UGT1A9: variants seen among roughly 807,000 people sequenced by gnomAD.
UGT1A9 encodes the protein UDP glucuronosyltransferase family 1 member A9.
UGT1A9 carries 35 observed loss-of-function variants against 45.0 expected under a neutral mutation model. The observed-to-expected ratio is 0.78, with a 90% CI of 0.59 to 1.03. UGT1A9 has a LOEUF of 1.03. Ranked by LOEUF, UGT1A9 falls within the 50% of genes least tolerant of loss-of-function variation. UGT1A9 has a pLI of 0.00. For synonymous variants in UGT1A9, 278 were observed against 250.6 expected, an observed-to-expected ratio of 1.11 and a Z score of -1.03; for missense variants, 687 against 666.6, an observed-to-expected ratio of 1.03 and a Z score of -0.34.
chr2:233,740,862 C>G (rs1413429391), intron 1 of UGT1A9: 1 of 151,810 alleles, frequency 6.6e-6, no homozygotes, highest in African/African-American at 2.4e-5. Flanking sequence ...TCTAAAAATT[C>G]TTTAAATAAA....
intron 1 of UGT1A9, chr2:233,747,285 C>T: frequency 6.2e-7 from 1 of 1,601,074 alleles, no homozygotes. Flanking sequence ...GTGCCCAGCC[C>T]TGGGCTGAGA....
At chr2:233,751,923 T>G (rs1390474537) in intron 1 of UGT1A9, among the ~76,000 whole-genome samples, 1 of 152,048 alleles carries the variant, frequency 6.6e-6, no homozygotes, top group Non-Finnish European at 1.5e-5. Context: ...ACAAGATTGG[T>G]GGTGATTGAA....
At chr2:233,726,615 C>T (rs1260171777) in intron 1 of UGT1A9, among the ~76,000 whole-genome samples, 2 of 152,156 alleles carry the variant, frequency 1.3e-5, no homozygotes, top group Non-Finnish European at 2.9e-5. Flanking sequence ...CTGTCCTGCC[C>T]AGATACCCAG....
At chr2:233,704,936 G>C (rs2075813786) in intron 1 of UGT1A9, among the ~76,000 whole-genome samples, 1 of 152,114 alleles carries the variant, frequency 6.6e-6, no homozygotes, top group South Asian at 2.1e-4. Context: ...CCTAGATCAA[G>C]ACCAGCCTGG....
At chr2:233,706,013 T>G (rs1292411619) in intron 1 of UGT1A9, among the ~76,000 whole-genome samples, 2 of 152,156 alleles carry the variant, frequency 1.3e-5, no homozygotes, top group Non-Finnish European at 2.9e-5. Context: ...CACTTGCACT[T>G]GGACCTGGGA....
At chr2:233,698,551 A>C (rs2075447544) in intron 1 of UGT1A9, among the ~76,000 whole-genome samples, 2 of 152,272 alleles carry the variant, frequency 1.3e-5, no homozygotes, top group Admixed American at 6.5e-5. Flanking sequence ...AGTGGCCAAC[A>C]AAACTTTAAG....
chr2:233,768,228 A>G lies in UGT1A9; in HGVS notation c.1084A>G (p.Met362Val), dbSNP rs367784507. 6.8e-6 allele frequency: 11 copies of G among 1,614,094 alleles called. No individual in the cohort carries two copies. Among genetic ancestry groups the G allele is most frequent in the Non-Finnish European group, 9.3e-6 (11 of 1,180,048 alleles). Residue 362 changes from methionine (M) to valine (V), a missense_variant, in exon 4 of 5, where the codon ATG becomes GTG. Physicochemically the swap from Met to Val is conservative, Grantham distance 21. Coordinates refer to ENST00000354728, the MANE Select transcript of UGT1A9 (RefSeq NM_021027.3). ...CCTATTTTGCATCTCAGGTCACCCG[A>G]TGACCCGTGCCTTTATCACCCATGC... ...LPQNDLLGHP[M>V]TRAFITHAGS...
At chr2:233,716,406 A>T (rs2076503195) in intron 1 of UGT1A9, among the ~76,000 whole-genome samples, 1 of 152,042 alleles carries the variant, frequency 6.6e-6, no homozygotes, top group African/African-American at 2.4e-5. Flanking sequence ...TTAAAGTGAA[A>T]CCCACATCTT....
intron 1 of UGT1A9, chr2:233,717,765 A>G (rs542569654): frequency 6.4e-5 from 29 of 456,606 alleles, no homozygotes; most frequent in African/African-American, 5.0e-4. Flanking sequence ...AAAGGCACAC[A>G]TTTAATTCTC....
intron 1 of UGT1A9, among the ~76,000 whole-genome samples, chr2:233,742,141 C>G (rs569949528): frequency 6.6e-6 from 1 of 151,830 alleles, no homozygotes; most frequent in Non-Finnish European, 1.5e-5. Flanking sequence ...AACCCAGCAG[C>G]GCTAGACGAA....
intron 1 of UGT1A9, chr2:233,761,180 C>A (rs374898247): frequency 6.2e-7 from 1 of 1,614,128 alleles, no homozygotes; most frequent in East Asian, 2.2e-5. Context: ...CTTTTACATG[C>A]GTATATTCTT....
chr2:233,682,587 A>G, intron 1 of UGT1A9: 1 of 1,613,884 alleles, frequency 6.2e-7, no homozygotes, highest in Non-Finnish European at 8.5e-7. Context: ...TTGGAGGAAC[A>G]TTTATTTTGC....
intron 1 of UGT1A9, among the ~76,000 whole-genome samples, chr2:233,737,176 C>T (rs550268517): frequency 9.8e-5 from 15 of 152,314 alleles, no homozygotes; most frequent in African/African-American, 2.9e-4. Context: ...GAGTCTATAG[C>T]GGCAGTAGCC....
At chr2:233,688,922 G>A (rs1298474821) in intron 1 of UGT1A9, among the ~76,000 whole-genome samples, 1 of 152,188 alleles carries the variant, frequency 6.6e-6, no homozygotes, top group African/African-American at 2.4e-5. Flanking sequence ...GCCAAGCAGG[G>A]AAGATGGCAG....
chr2:233,706,413 C>T (rs1371560108), intron 1 of UGT1A9, among the ~76,000 whole-genome samples: 2 of 152,242 alleles, frequency 1.3e-5, no homozygotes, highest in Admixed American at 6.5e-5. Context: ...TCAAACTTCA[C>T]GTGGTCTTTC....
rs1696611113 is a variant in UGT1A9 at position 233,757,545 on chromosome 2, T to TATAC, written c.856-9486_856-9485insCATA. 2.9e-4 allele frequency among the ~76,000 whole-genome samples: 19 copies of TATAC among 65,910 alleles called. 1 individual carries two copies. The highest frequency in any genetic ancestry group is 6.3e-4 in the African/African-American group (10 of 15,854). The allele number at this position is 65,910 out of a possible 152,430, so 43.2% of individuals were successfully genotyped here. On this transcript the variant is annotated intron_variant, in intron 1 of 4. Coordinates refer to ENST00000354728, the MANE Select transcript of UGT1A9 (RefSeq NM_021027.3). ...ATCTTGCCTGTAAGGAATATATATA[T>TATAC]ATATATATATATATATGTATATATG...
intron 1 of UGT1A9, chr2:233,693,408 C>A (rs1198396462): frequency 6.2e-7 from 1 of 1,614,044 alleles, no homozygotes; most frequent in Non-Finnish European, 8.5e-7. Context: ...GACAGGGACA[C>A]CCTGAACTTC....
chr2:233,690,068 C>T (rs2074973510), intron 1 of UGT1A9, among the ~76,000 whole-genome samples: 1 of 152,216 alleles, frequency 6.6e-6, no homozygotes, highest in South Asian at 2.1e-4. Flanking sequence ...CCCCACCTCA[C>T]AGCCTATCAA....
At chr2:233,718,914 T>C (rs373069908) in intron 1 of UGT1A9, 68 of 1,613,948 alleles carry the variant, frequency 4.2e-5, no homozygotes, top group Admixed American at 6.7e-5. Context: ...TGGAAAGGTG[T>C]TGGTGGTGCC....
Sources: gnomAD v4.1 joint callset for allele counts (sites outside exome capture counted in the v4.1 genomes callset) on GRCh38, gnomAD v4.1.1 for gene constraint, MANE v1.5 for transcripts, NCBI Gene and HGNC (gene_info 2026-07-23, HGNC 2026-07-21) for gene names.